The following C10orf90 variants were observed in gnomAD, a reference collection of about 807,000 sequenced individuals.
C10orf90 encodes chromosome 10 open reading frame 90, also known as (E2-independent) E3 ubiquitin-conjugating enzyme FATS.
Under a neutral mutation model 62.5 loss-of-function variants are expected in C10orf90, and 56 were observed. The observed-to-expected ratio is 0.90, with a 90% confidence interval of 0.72 to 1.12. The LOEUF (loss-of-function observed/expected upper bound fraction) is 1.12. C10orf90 is among the 50% of genes most tolerant of loss of function. The probability of loss-of-function intolerance (pLI) is 0.00; values close to 1 mark genes in which losing one functional copy is unlikely to be tolerated. For synonymous variants in C10orf90, 386 were observed against 340.4 expected (o/e 1.13, Z -1.47); for missense variants, 970 against 880.4 (o/e 1.10, Z -1.29).
In C10orf90 at chr10:126,643,851, A is replaced by C. The variant is rs558344043; in HGVS notation, c.313+2714T>G. On this transcript the variant is annotated intron_variant, in intron 2 of 9. Transcript: ENST00000488181. The stretch of plus-strand genomic sequence containing the variant: ...CCAGACCCTTCTGATGAGCATGGAA[A>C]CACGGGCTCTAGTCCTGAGCTAAAC... Among the ~76,000 whole-genome samples, 3 of 152,338 alleles carry C rather than the reference A, an allele frequency of 2.0e-5. No individual in the cohort carries two copies. The East Asian group carries it at 5.8e-4, about 29-fold the overall frequency.
At chr10:126,648,441 T>G (rs1402303687) in intron 1 of C10orf90, among the ~76,000 whole-genome samples, 3 of 152,232 alleles carry the variant, frequency 2.0e-5, no homozygotes, top group Admixed American at 6.5e-5. Context: ...TCTCAGATGG[T>G]CTGTTATAGC....
In C10orf90 at chr10:126,456,203, A is replaced by G. The variant is rs1485362935; in HGVS notation, c.2188+2837T>C. The stretch of plus-strand genomic sequence containing the variant: ...AAGATGTGTACTGCAGACTTGTTTA[A>G]TAGGGCCTTAAACATTTCTTCTCAC... On this transcript the variant is annotated intron_variant, in intron 7 of 9. Transcript: ENST00000488181. The surrounding 1 kb of genome is among the most constrained non-coding windows in gnomAD (Gnocchi z 4.9). 3.9e-5 allele frequency among the ~76,000 whole-genome samples: 6 copies of G among 152,232 alleles called. No homozygotes were observed. The highest frequency in any genetic ancestry group is 7.3e-5 in the Non-Finnish European group (5 of 68,042).
At chr10:126,579,890 A>G (rs1037801730) in intron 2 of C10orf90, among the ~76,000 whole-genome samples, 3 of 152,150 alleles carry the variant, frequency 2.0e-5, no homozygotes, top group African/African-American at 4.8e-5. Context: ...TTCCCATTTC[A>G]TAGACGAGGG....
At chr10:126,612,675 T>C (rs1188139132) in intron 2 of C10orf90, among the ~76,000 whole-genome samples, 1 of 152,156 alleles carries the variant, frequency 6.6e-6, no homozygotes, top group Non-Finnish European at 1.5e-5. Flanking sequence ...TCCAATCAGT[T>C]CAAGAACATG....
At chr10:126,618,941 G>A (rs955002891) in intron 2 of C10orf90, among the ~76,000 whole-genome samples, 4 of 152,102 alleles carry the variant, frequency 2.6e-5, no homozygotes, top group Admixed American at 2.0e-4. Flanking sequence ...GCCCATGAGC[G>A]GTAGGCTGGA....
Position 126,456,316 on chromosome 10 carries a change from C to T in C10orf90, c.2188+2724G>A, listed in dbSNP as rs115290683. ...ACGAACCCAAAAGTAAAGCTCTCAT[C>T]GACACATAAATACGGCAGGGATGGT... On this transcript the variant is annotated intron_variant, in intron 7 of 9. Coordinates refer to ENST00000488181, the MANE Select transcript of C10orf90 (RefSeq NM_001350921.2). This position sits in a 1 kb window ranked among gnomAD's most constrained non-coding sequence, Gnocchi z 4.9. Among the ~76,000 whole-genome samples, 147 of 152,224 alleles carry T rather than the reference C, an allele frequency of 9.7e-4. No individual in the cohort carries two copies. The highest frequency in any genetic ancestry group is 3.4e-3 in the African/African-American group (141 of 41,560).
At chr10:126,576,950 T>G (rs61864685) in intron 2 of C10orf90, among the ~76,000 whole-genome samples, 5 of 151,162 alleles carry the variant, frequency 3.3e-5, no homozygotes, top group African/African-American at 1.2e-4. Flanking sequence ...AAAAAAAAGT[T>G]GATTTCATAG....
chr10:126,545,382 A>G (rs1032538282), intron 2 of C10orf90, among the ~76,000 whole-genome samples: 1 of 152,082 alleles, frequency 6.6e-6, no homozygotes, highest in Admixed American at 6.5e-5. Context: ...TTCCCCTTTT[A>G]TAATGTTAAG....
chr10:126,585,757 C>G (rs566960981), intron 2 of C10orf90, among the ~76,000 whole-genome samples: 1 of 152,260 alleles, frequency 6.6e-6, no homozygotes, highest in East Asian at 1.9e-4. Context: ...CAGATAACAG[C>G]GCTTTCAGTC....
At chr10:126,562,696 C>T (rs1010912758) in intron 2 of C10orf90, among the ~76,000 whole-genome samples, 2 of 152,174 alleles carry the variant, frequency 1.3e-5, no homozygotes, top group African/African-American at 4.8e-5. Context: ...TGGTTACAGA[C>T]AATTCTCCTA....
At chr10:126,660,631 A>G (rs559932933) in intron 1 of C10orf90, among the ~76,000 whole-genome samples, 2 of 152,200 alleles carry the variant, frequency 1.3e-5, no homozygotes, top group African/African-American at 4.8e-5. Flanking sequence ...ACCTGAAGAC[A>G]TCCTAATCAG....
chr10:126,515,470 C>T (rs533456665), intron 2 of C10orf90, among the ~76,000 whole-genome samples: 1 of 152,286 alleles, frequency 6.6e-6, no homozygotes, highest in Middle Eastern at 3.4e-3. Context: ...TATACAAATA[C>T]TTACCATTGT....
intron 2 of C10orf90, among the ~76,000 whole-genome samples, chr10:126,624,338 T>A (rs1238547929): frequency 6.6e-6 from 1 of 151,788 alleles, no homozygotes; most frequent in African/African-American, 2.4e-5. Flanking sequence ...AGAATGAGAC[T>A]CCATCTAAAA....
chr10:126,647,881 A>G (rs1846202866), intron 1 of C10orf90, among the ~76,000 whole-genome samples: 1 of 152,198 alleles, frequency 6.6e-6, no homozygotes, highest in Non-Finnish European at 1.5e-5. Flanking sequence ...ACCTAGCTGG[A>G]TGTGATGGAG....
rs547538995 is a variant in C10orf90, at chr10:126,587,629, T to C, written c.313+58936A>G. 2.0e-4 allele frequency among the ~76,000 whole-genome samples: 30 copies of C among 152,330 alleles called. No individual in the cohort carries two copies. In the South Asian group the frequency reaches 6.0e-3, roughly 30 times the overall value. On this transcript the variant is annotated intron_variant, in intron 2 of 9. Coordinates refer to ENST00000488181, the MANE Select transcript of C10orf90 (RefSeq NM_001350921.2). Reference sequence around the variant, plus strand: ...AGGGTTACACCTTCCATATATGTATTCAAGGTGGCACAATTCAGCCCATAG... The same window carrying C: ...AGGGTTACACCTTCCATATATGTATCCAAGGTGGCACAATTCAGCCCATAG...
At chr10:126,650,486 A>C (rs1352713520) in intron 1 of C10orf90, among the ~76,000 whole-genome samples, 1 of 152,074 alleles carries the variant, frequency 6.6e-6, no homozygotes, top group Non-Finnish European at 1.5e-5. Flanking sequence ...TATTATTTCC[A>C]CTTTACAGAG....
intron 2 of C10orf90, among the ~76,000 whole-genome samples, chr10:126,539,388 A>C (rs1452278942): frequency 1.3e-5 from 2 of 152,156 alleles, no homozygotes; most frequent in African/African-American, 4.8e-5. Flanking sequence ...ATGTGTGTGA[A>C]AGGATTCTTG....
chr10:126,454,861 C>T (rs1815626375), intron 7 of C10orf90, among the ~76,000 whole-genome samples: 1 of 152,124 alleles, frequency 6.6e-6, no homozygotes, highest in South Asian at 2.1e-4. Context: ...TTATCACTCC[C>T]AGGCAACTCT....
At chr10:126,630,076 T>C (rs1050172023) in intron 2 of C10orf90, among the ~76,000 whole-genome samples, 21 of 152,268 alleles carry the variant, frequency 1.4e-4, no homozygotes, top group African/African-American at 4.6e-4. Flanking sequence ...GCTGCCTGTG[T>C]GTGCACTGCA....
Sources: gnomAD v4.1 joint callset for allele counts (sites outside exome capture counted in the v4.1 genomes callset) on GRCh38, gnomAD v4.1.1 for gene constraint, Gnocchi (gnomAD v3.1) non-coding constraint, MANE v1.5 for transcripts, NCBI Gene and HGNC (gene_info 2026-07-23, HGNC 2026-07-21) for gene names.